PDCD11: variants seen among roughly 807,000 people sequenced by gnomAD.
PDCD11 encodes protein RRP5 homolog.
In PDCD11, 97 loss-of-function variants were observed where a neutral mutation model predicts 198.9. The ratio of observed to expected loss-of-function variants is 0.49; its 90% confidence interval spans 0.41 to 0.58. PDCD11 has a LOEUF of 0.58. PDCD11 is among the 20% of genes least tolerant of loss of function. PDCD11 has a pLI of 0.00. For synonymous variants in PDCD11, 893 were observed against 918.0 expected, an observed-to-expected ratio of 0.97 and a Z score of 0.49; for missense variants, 2,102 against 2,312.7, an observed-to-expected ratio of 0.91 and a Z score of 1.87.
rs1191746916 is a variant in PDCD11 at position 103,418,032 on chromosome 10, G to A, written c.1911+100G>A. 7.5e-6 allele frequency: 10 copies of A among 1,335,026 alleles called. 1 individual carries two copies. In the South Asian group the frequency reaches 1.2e-4, roughly 16 times the overall value. 82.7% of individuals were successfully genotyped at this position (1,335,026 alleles called of 1,614,324 possible). A position where few individuals can be genotyped will look rare whatever the true frequency, so the allele number is the denominator to read the frequency against. ...TTGGAACCCACGAAGCGGAAAGATAGAGGTAGCTAGATAAGATTTTGGGGC... is the reference window on the plus strand; with the variant it reads ...TTGGAACCCACGAAGCGGAAAGATAAAGGTAGCTAGATAAGATTTTGGGGC... On this transcript the variant is annotated intron_variant, in intron 14 of 35. Transcript: ENST00000369797.
chr10:103,416,949 GATC>G (rs1408993650), intron 13 of PDCD11, among the ~76,000 whole-genome samples: 1 of 152,210 alleles, frequency 6.6e-6, no homozygotes, highest in East Asian at 1.9e-4. Flanking sequence ...CAAGCTGATG[GATC>G]TCAGGCACGC....
At position 103,410,257 on chromosome 10, in the gene PDCD11, T is replaced by C. The variant is rs11191682; in HGVS notation, c.978+451T>C. ...CTCAAAAAAAAAAAAAAAAGTGTTATGGAAGGAAAGTAAGAAACTCTCAGT... is the reference window on the plus strand; with the variant it reads ...CTCAAAAAAAAAAAAAAAAGTGTTACGGAAGGAAAGTAAGAAACTCTCAGT... On this transcript the variant is annotated intron_variant, in intron 8 of 35. Coordinates refer to ENST00000369797, the MANE Select transcript of PDCD11 (RefSeq NM_014976.2). Among the ~76,000 whole-genome samples, 6 of 151,554 alleles carry C rather than the reference T, an allele frequency of 4.0e-5. No homozygotes were observed. The East Asian group carries it at 1.2e-3, about 29-fold the overall frequency.
intron 17 of PDCD11, among the ~76,000 whole-genome samples, chr10:103,422,097 ATTG>A (rs1564767876): frequency 7.8e-6 from 1 of 127,984 alleles, no homozygotes; most frequent in Non-Finnish European, 1.6e-5. Flanking sequence ...TATTATTATT[ATTG>A]AGACCAAGTT....
At chr10:103,438,349 C>T (rs1159458571) in intron 26 of PDCD11, among the ~76,000 whole-genome samples, 1 of 152,170 alleles carries the variant, frequency 6.6e-6, no homozygotes, top group African/African-American at 2.4e-5. Flanking sequence ...CTTTAGCCTC[C>T]AGGGTTCCAT....
rs1250802951 is a variant in PDCD11 at position 103,425,129 on chromosome 10, T to G, written c.2909T>G (p.Leu970Trp). ...NDTFRFDSEK[L>W]QVGQGVSLTL... ...ACCTTCCGCTTTGACTCAGAGAAAT[T>G]GCAGGTGGGACAGGGTGTCTCCCTA... The change falls in exon 20 of 36, where the codon TTG (leucine) becomes TGG (tryptophan). Residue 970 changes from leucine to tryptophan, a missense_variant. Coordinates refer to ENST00000369797, the MANE Select transcript of PDCD11 (RefSeq NM_014976.2). 13 of 1,614,040 alleles carry G rather than the reference T, an allele frequency of 8.1e-6. No homozygotes were observed. The highest frequency in any genetic ancestry group is 1.1e-5 in the Non-Finnish European group (13 of 1,180,044).
At chr10:103,443,372 A>G in intron 33 of PDCD11, 39 bp downstream of exon 33, 6 of 1,553,694 alleles carry the variant, frequency 3.9e-6, no homozygotes, top group Non-Finnish European at 5.3e-6. Flanking sequence ...TGGGAGTTCC[A>G]GGGCCACAAT....
chr10:103,423,715 C>T, intron 19 of PDCD11, 57 bp downstream of exon 19: 1 of 1,145,476 alleles, frequency 8.7e-7, no homozygotes, highest in Non-Finnish European at 1.3e-6. Context: ...CCTTCAACCC[C>T]ACTCCAGTTC....
chr10:103,417,993 T>C, intron 14 of PDCD11, 61 bp downstream of exon 14: 1 of 1,571,768 alleles, frequency 6.4e-7, no homozygotes, highest in South Asian at 1.1e-5. Flanking sequence ...AGGGAACCAC[T>C]AACACATGGC....
intron 3 of PDCD11, among the ~76,000 whole-genome samples, chr10:103,402,245 GCATTTGAGTTTGGGTTGCT>G (rs1223682382): frequency 2.0e-5 from 3 of 152,066 alleles, no homozygotes; most frequent in Non-Finnish European, 4.4e-5. Context: ...TGTCTGCCAG[GCATTTGAGTTTGGGTTGCT>G]CAGAATAATG....
At chr10:103,430,802 C>T (rs188922325) in intron 21 of PDCD11, among the ~76,000 whole-genome samples, 2 of 151,334 alleles carry the variant, frequency 1.3e-5, no homozygotes, top group African/African-American at 4.9e-5. Context: ...TCCTTTTGCT[C>T]TCTTTTTTTT....
rs1305823028 is a variant in PDCD11 at position 103,414,343 on chromosome 10, G to C, written c.1371+13G>C. 6.2e-7 allele frequency: 1 copy of C among 1,603,134 alleles called. No individual in the cohort carries two copies. The highest frequency in any genetic ancestry group is 8.5e-7 in the Non-Finnish European group (1 of 1,170,220). ...GGCAGTGGTAAAGGTAAGACCTCAA[G>C]CATATAATTAGGTACTGCCTCACCA... On this transcript the variant is annotated intron_variant, in intron 11 of 35. Transcript: ENST00000369797.
At chr10:103,404,790 C>T (rs1354833618) in intron 4 of PDCD11, among the ~76,000 whole-genome samples, 1 of 152,166 alleles carries the variant, frequency 6.6e-6, no homozygotes, top group Admixed American at 6.5e-5. Flanking sequence ...ACTCTTTTGA[C>T]AAGTCATTTT....
chr10:103,443,092 T>G, intron 32 of PDCD11, 73 bp from the exon 33 acceptor site: 5 of 1,370,668 alleles, frequency 3.6e-6, no homozygotes, highest in Non-Finnish European at 4.9e-6. Context: ...AGGTGGTTCC[T>G]GAGTCTGTCT....
chr10:103,425,551 G>A, intron 20 of PDCD11, 26 bp downstream of exon 20: 1 of 1,580,828 alleles, frequency 6.3e-7, no homozygotes. Context: ...GGGTGGGCTG[G>A]CTTCGAGGGA....
chr10:103,417,695 A>G lies in PDCD11; in HGVS notation c.1771-97A>G, dbSNP rs1371989181. On this transcript the variant is annotated intron_variant, in intron 13 of 35. Coordinates refer to ENST00000369797, the MANE Select transcript of PDCD11 (RefSeq NM_014976.2). ...CTGATCTGATCCAAAGGCTCGGTAG[A>G]TCTCCCAAGTCCTCTGCAGCAGTAG... The G allele has an allele frequency of 3.1e-6, 4 of 1,306,996 alleles. No individual in the cohort carries two copies. The Admixed American group carries it at 8.7e-5, about 29-fold the overall frequency. 81.0% of individuals were successfully genotyped at this position (1,306,996 alleles called of 1,614,324 possible).
chr10:103,412,679 G>A (rs117968908), intron 8 of PDCD11, among the ~76,000 whole-genome samples: 4,250 of 152,260 alleles, frequency 0.028, 80 homozygotes, highest in Middle Eastern at 0.034. Flanking sequence ...TGGCTGGGCT[G>A]TCTCAGACTC....
At chr10:103,442,103 G>C (rs749891004) in intron 31 of PDCD11, 110 bp from the exon 32 acceptor site, 5 of 1,548,176 alleles carry the variant, frequency 3.2e-6, no homozygotes, top group Non-Finnish European at 3.5e-6. Flanking sequence ...CCCAGGCCAG[G>C]GGGTATATAT....
chr10:103,416,427 G>A, intron 12 of PDCD11, 64 bp from the exon 13 acceptor site: 1 of 1,574,230 alleles, frequency 6.4e-7, no homozygotes, highest in Non-Finnish European at 8.7e-7. Context: ...AGAGGTTGCA[G>A]AGACCAGCTC....
At chr10:103,420,380 T>A (rs1237549370) in intron 16 of PDCD11, among the ~76,000 whole-genome samples, 1 of 152,186 alleles carries the variant, frequency 6.6e-6, no homozygotes, top group Non-Finnish European at 1.5e-5. Flanking sequence ...TGCAGACTTC[T>A]GAGGTTTTTG....
Sources: gnomAD v4.1 joint callset for allele counts (sites outside exome capture counted in the v4.1 genomes callset) on GRCh38, gnomAD v4.1.1 for gene constraint, MANE v1.5 for transcripts, NCBI Gene and HGNC (gene_info 2026-07-23, HGNC 2026-07-21) for gene names.